Variants in GALNT16 observed in about 807,000 individuals in gnomAD.
GALNT16 encodes the protein polypeptide N-acetylgalactosaminyltransferase 16.
Under a neutral mutation model 76.1 loss-of-function variants are expected in GALNT16, and 40 were observed. The observed-to-expected ratio is 0.53, with a 90% CI of 0.41 to 0.68. The LOEUF (loss-of-function observed/expected upper bound fraction) is 0.68. Ranked by LOEUF, GALNT16 falls within the 30% of genes least tolerant of loss-of-function variation. The pLI is 0.00. For missense variants in GALNT16, 621 were observed against 731.9 expected (o/e 0.85, Z 1.75); for synonymous variants, 276 against 285.2 (o/e 0.97, Z 0.32).
chr14:69,319,826 ACT>A (rs2045151499), intron 1 of GALNT16, among the ~76,000 whole-genome samples: 1 of 152,236 alleles, frequency 6.6e-6, no homozygotes, highest in African/African-American at 2.4e-5. Flanking sequence ...AAGATGCATC[ACT>A]GTCTGAGCAC....
chr14:69,291,834 G>A (rs1161365574), intron 1 of GALNT16, among the ~76,000 whole-genome samples: 3 of 152,196 alleles, frequency 2.0e-5, no homozygotes, highest in South Asian at 4.1e-4. Flanking sequence ...CTGAGAAACC[G>A]TGTGAAATTG....
At chr14:69,329,771 G>A (rs944037838) in intron 6 of GALNT16, among the ~76,000 whole-genome samples, 2 of 152,188 alleles carry the variant, frequency 1.3e-5, no homozygotes, top group African/African-American at 4.8e-5. Context: ...GGGCAAGAGA[G>A]AGTTGGGTGG....
chr14:69,333,320 G>GCGAGGA lies in GALNT16; in HGVS notation c.863+153_863+158dup. 1 of 700,476 alleles carries GCGAGGA rather than the reference G, an allele frequency of 1.4e-6. No homozygotes were observed. Among genetic ancestry groups the GCGAGGA allele is most frequent in the Non-Finnish European group, 2.5e-6 (1 of 398,642 alleles). The allele number at this position is 700,476 out of a possible 1,614,324, so 43.4% of individuals were successfully genotyped here. On this transcript the variant is annotated intron_variant, in intron 8 of 14. Transcript: ENST00000448469. The surrounding 1 kb of genome is among the most constrained non-coding windows in gnomAD (Gnocchi z 4.2). ...CCTTCGGACCCTGTATGCAGGGACA[G>GCGAGGA]CGAGGACAGAGGCCACGGGAACAGA...
chr14:69,295,674 C>T (rs376417340), intron 1 of GALNT16, among the ~76,000 whole-genome samples: 5 of 152,202 alleles, frequency 3.3e-5, no homozygotes, highest in East Asian at 1.9e-4. Context: ...GAGCTGAGAT[C>T]GCACTACTGT....
Position 69,275,358 on chromosome 14 carries a change from A to G in GALNT16, c.177+14891A>G, listed in dbSNP as rs534805816. 2.0e-5 allele frequency among the ~76,000 whole-genome samples: 3 copies of G among 152,184 alleles called. No individual in the cohort carries two copies. In the South Asian group the frequency reaches 6.2e-4, roughly 32 times the overall value. On this transcript the variant is annotated intron_variant, in intron 1 of 14. Coordinates refer to ENST00000448469, the MANE Select transcript of GALNT16 (RefSeq NM_001168368.2). ...GGAGTACCTTGCAGGAGTAAAATAA[A>G]TGAAATTGATCAGTATATATATATA... is the stretch of plus-strand genomic sequence containing the variant.
chr14:69,329,859 C>A (rs753563837), intron 6 of GALNT16, among the ~76,000 whole-genome samples: 1 of 152,080 alleles, frequency 6.6e-6, no homozygotes, highest in Non-Finnish European at 1.5e-5. Flanking sequence ...AAGCCATGAA[C>A]GATCCACCCC....
intron 14 of GALNT16, chr14:69,349,625 T>G (rs1268477399): frequency 6.6e-6 from 1 of 152,254 alleles, no homozygotes; most frequent in Non-Finnish European, 1.5e-5. Context: ...CCTGGTGTGA[T>G]GGAGTCAGCA....
At position 69,260,188 on chromosome 14, in the gene GALNT16, C is replaced by G. The variant is rs1436284512; in HGVS notation, c.-103C>G. 9.4e-6 allele frequency: 5 copies of G among 533,724 alleles called. No homozygotes were observed. Among genetic ancestry groups the G allele is most frequent in the Non-Finnish European group, 1.7e-5 (5 of 295,992 alleles). 33.1% of individuals were successfully genotyped at this position (533,724 alleles called of 1,614,324 possible). A position where few individuals can be genotyped will look rare whatever the true frequency, so the allele number is the denominator to read the frequency against. ...TTTTCTGCTCTGCAGGACTGAGCAG[C>G]TAGGCGCGAGCGAAAACAAACAGCT... is the stretch of plus-strand genomic sequence containing the variant. On this transcript the variant is annotated 5_prime_UTR_variant, in exon 1 of 15. Transcript: ENST00000448469.
chr14:69,268,446 C>G (rs1594808772), intron 1 of GALNT16, among the ~76,000 whole-genome samples: 1 of 152,222 alleles, frequency 6.6e-6, no homozygotes, highest in African/African-American at 2.4e-5. Flanking sequence ...GCTGCTGACA[C>G]ACTGAGAAGT....
At chr14:69,357,157 T>A (rs188456237), downstream of GALNT16, 7 of 152,268 alleles carry the variant, frequency 4.6e-5, no homozygotes, top group African/African-American at 1.7e-4. Flanking sequence ...TGATACCACA[T>A]GATAAAAGCT....
chr14:69,333,132 CAGA>C lies in GALNT16; in HGVS notation c.830_832del (p.Lys277del), dbSNP rs1166123094. The C allele has an allele frequency of 5.0e-6, 8 of 1,613,530 alleles. No homozygotes were observed. The highest frequency in any genetic ancestry group is 1.7e-5 in the Admixed American group (1 of 59,994). On this transcript the variant is annotated inframe_deletion, in exon 8 of 15. Transcript: ENST00000448469. This position sits in a 1 kb window ranked among gnomAD's most constrained non-coding sequence, Gnocchi z 4.2. ...CAAGTGGGAGCAGATCCCTCTTGAGCAGAAGATGACCCGGACAGACCCCACCAG... is the reference window on the plus strand; with the variant it reads ...CAAGTGGGAGCAGATCCCTCTTGAGCAGATGACCCGGACAGACCCCACCAG...
chr14:69,263,943 T>C (rs1311515821), intron 1 of GALNT16, among the ~76,000 whole-genome samples: 1 of 152,216 alleles, frequency 6.6e-6, no homozygotes, highest in Non-Finnish European at 1.5e-5. Flanking sequence ...TCTACACTGA[T>C]GCACGCTGGG....
In GALNT16 at chr14:69,261,333, A is replaced by G. The variant is rs2044268655; in HGVS notation, c.177+866A>G. 1.3e-5 allele frequency among the ~76,000 whole-genome samples: 2 copies of G among 152,096 alleles called. No homozygotes were observed. The highest frequency in any genetic ancestry group is 4.8e-5 in the African/African-American group (2 of 41,412). ...GCCGTCTCCGTCCGAGCCCCAGGTGACAGAGCTGTGCGTGGCCAGGCAGGG... is the reference window on the plus strand; with the variant it reads ...GCCGTCTCCGTCCGAGCCCCAGGTGGCAGAGCTGTGCGTGGCCAGGCAGGG... On this transcript the variant is annotated intron_variant, in intron 1 of 14. Transcript: ENST00000448469. This position sits in a 1 kb window ranked among gnomAD's most constrained non-coding sequence, Gnocchi z 6.4.
chr14:69,362,588 C>T, the GALNT16 span, among the ~76,000 whole-genome samples: 82 of 152,340 alleles, frequency 5.4e-4, 2 homozygotes, highest in South Asian at 0.017. Context: ...TATTTCTGAG[C>T]TGGGAGACTT....
intron 1 of GALNT16, among the ~76,000 whole-genome samples, chr14:69,297,796 A>T (rs564709658): frequency 3.3e-5 from 5 of 152,322 alleles, no homozygotes; most frequent in Admixed American, 3.3e-4. Context: ...TTCAGCCTCT[A>T]GGTCTTCTAG....
chr14:69,277,996 A>G (rs1181315287), intron 1 of GALNT16, among the ~76,000 whole-genome samples: 1 of 151,816 alleles, frequency 6.6e-6, no homozygotes, highest in Non-Finnish European at 1.5e-5. Context: ...CAAAACCACA[A>G]TGAAATACCA....
chr14:69,315,322 CG>C (rs1566876685), intron 1 of GALNT16, among the ~76,000 whole-genome samples: 2 of 152,200 alleles, frequency 1.3e-5, no homozygotes, highest in Non-Finnish European at 2.9e-5. Flanking sequence ...CTATTGGACA[CG>C]GAAGTGCTGG....
chr14:69,355,304 C>T (rs928223613), downstream of GALNT16: 11 of 152,400 alleles, frequency 7.2e-5, no homozygotes, highest in Admixed American at 6.5e-4. Flanking sequence ...ACCTTGGCTA[C>T]AATGTCCAGC....
downstream of GALNT16, among the ~76,000 whole-genome samples, chr14:69,359,519 T>C (rs866569760): frequency 5.9e-5 from 9 of 152,180 alleles, no homozygotes; most frequent in African/African-American, 1.7e-4. Flanking sequence ...CTGACACAGA[T>C]TGAGCACTTT....
Sources: gnomAD v4.1 joint callset for allele counts (sites outside exome capture counted in the v4.1 genomes callset) on GRCh38, gnomAD v4.1.1 for gene constraint, Gnocchi (gnomAD v3.1) non-coding constraint, MANE v1.5 for transcripts, NCBI Gene and HGNC (gene_info 2026-07-23, HGNC 2026-07-21) for gene names.